ATXN2: variants seen among roughly 807,000 people sequenced by gnomAD.
ATXN2 encodes ataxin 2, also known as ataxin-2.
Under a neutral mutation model 138.6 loss-of-function variants are expected in ATXN2, and 37 were observed. The ratio of observed to expected loss-of-function variants is 0.27; its 90% CI spans 0.21 to 0.35. The LOEUF (loss-of-function observed/expected upper bound fraction) is 0.35. Ranked by LOEUF, ATXN2 falls within the 10% of genes least tolerant of loss-of-function variation. The probability of loss-of-function intolerance (pLI) is 1.00; values close to 1 mark genes in which losing one functional copy is unlikely to be tolerated. For missense variants in ATXN2, 1,216 were observed against 1,480.3 expected, an observed-to-expected ratio of 0.82 and a Z score of 2.93; for synonymous variants, 549 against 543.7, an observed-to-expected ratio of 1.01 and a Z score of -0.13.
At chr12:111,527,006 T>C (rs1248725532) in intron 5 of ATXN2, among the ~76,000 whole-genome samples, 1 of 152,262 alleles carries the variant, frequency 6.6e-6, no homozygotes, top group East Asian at 1.9e-4. Context: ...TCTCACTTTG[T>C]GTCCTCTTCT....
chr12:111,573,481 C>A (rs573219124), intron 1 of ATXN2, among the ~76,000 whole-genome samples: 1 of 152,290 alleles, frequency 6.6e-6, no homozygotes, highest in East Asian at 1.9e-4. Context: ...CAGGCATAAG[C>A]GACTGCTCCC....
At position 111,590,040 on chromosome 12, in the gene ATXN2, T is replaced by C. The variant is rs184297887; in HGVS notation, c.251+8744A>G. ...GCCTGGCCAACATGGTGAAACCCCATCTCTACTAAAAAAAAATACAAAAAT... is the reference window on the plus strand; with the variant it reads ...GCCTGGCCAACATGGTGAAACCCCACCTCTACTAAAAAAAAATACAAAAAT... On this transcript the variant is annotated intron_variant, in intron 1 of 24. Transcript: ENST00000673436. 4.1e-5 allele frequency among the ~76,000 whole-genome samples: 6 copies of C among 147,060 alleles called. No individual in the cohort carries two copies. The Admixed American group carries it at 4.1e-4, about 10-fold the overall frequency.
intron 18 of ATXN2, among the ~76,000 whole-genome samples, chr12:111,474,345 C>T (rs1876640221): frequency 6.6e-6 from 1 of 151,740 alleles, no homozygotes; most frequent in African/African-American, 2.4e-5. Flanking sequence ...AACTTAAGCC[C>T]TGGAATTTAG....
chr12:111,572,028 G>GAAAAA, intron 1 of ATXN2, among the ~76,000 whole-genome samples: 3 of 124,426 alleles, frequency 2.4e-5, no homozygotes, highest in African/African-American at 9.3e-5. Flanking sequence ...AAAAAAAAAG[G>GAAAAA]GGCTTTTAAA....
At chr12:111,596,245 C>CACAA (rs3223414) in intron 1 of ATXN2, among the ~76,000 whole-genome samples, 1 of 124,434 alleles carries the variant, frequency 8.0e-6, no homozygotes, top group East Asian at 2.0e-4. Flanking sequence ...CACACACACA[C>CACAA]AAAATTAGAT....
At chr12:111,481,172 C>T (rs954645807) in intron 18 of ATXN2, among the ~76,000 whole-genome samples, 6 of 151,794 alleles carry the variant, frequency 4.0e-5, no homozygotes, top group Admixed American at 1.3e-4. Flanking sequence ...GGGCCGAGCG[C>T]GGTGGTGCAC....
At chr12:111,543,217 A>C (rs1301580028) in intron 5 of ATXN2, among the ~76,000 whole-genome samples, 1 of 152,206 alleles carries the variant, frequency 6.6e-6, no homozygotes, top group African/African-American at 2.4e-5. Context: ...AGCAAAGTTG[A>C]GGCCGTAAAC....
In ATXN2 at chr12:111,591,942, T is replaced by C. The variant is rs367802795; in HGVS notation, c.251+6842A>G. On this transcript the variant is annotated intron_variant, in intron 1 of 24. Coordinates refer to ENST00000673436, the MANE Select transcript of ATXN2 (RefSeq NM_001372574.1). ...GCTAAAAATACAAAAATTAGCTGAG[T>C]GGGGTAGCAGGCACCTGTAATCTCA... Among the ~76,000 whole-genome samples, 35 of 150,372 alleles carry C rather than the reference T, an allele frequency of 2.3e-4. 1 individual carries two copies. In the East Asian group the frequency reaches 6.1e-3, roughly 26 times the overall value.
At chr12:111,545,084 G>A (rs1054061593) in intron 5 of ATXN2, among the ~76,000 whole-genome samples, 3 of 152,010 alleles carry the variant, frequency 2.0e-5, no homozygotes, top group African/African-American at 7.2e-5. Context: ...GCGTGAACCC[G>A]GGAGGCGGAG....
rs1032987033 is a variant in ATXN2, at chr12:111,466,595, T to A, written c.2843-1880A>T. Among the ~76,000 whole-genome samples, 4 of 152,240 alleles carry A rather than the reference T, an allele frequency of 2.6e-5. No homozygotes were observed. In the East Asian group the frequency reaches 5.8e-4, roughly 22 times the overall value. On this transcript the variant is annotated intron_variant, in intron 20 of 24. Coordinates refer to ENST00000673436, the MANE Select transcript of ATXN2 (RefSeq NM_001372574.1). ...AGGTCAATACTTTTTTAGAATAAAA[T>A]AATTATCCTATTTTATCATTTAACT...
chr12:111,575,146 T>TGAAACAAA lies in ATXN2; in HGVS notation c.252-19228_252-19227insTTTGTTTC, dbSNP rs1339478887. On this transcript the variant is annotated intron_variant, in intron 1 of 24. Transcript: ENST00000673436. ...AGGTCAGAAAGCTTCTCAAACATAC[T>TGAAACAAA]TATTTCTGGGCATAGCCAGTGGCTG... 2.8e-4 allele frequency among the ~76,000 whole-genome samples: 43 copies of TGAAACAAA among 152,136 alleles called. No homozygotes were observed. The Middle Eastern group carries it at 0.021, about 75-fold the overall frequency.
intron 1 of ATXN2, among the ~76,000 whole-genome samples, chr12:111,578,395 G>T (rs530995749): frequency 6.6e-5 from 10 of 152,026 alleles, no homozygotes; most frequent in African/African-American, 2.4e-4. Flanking sequence ...TATCTTTTAC[G>T]CTGTATTTTT....
chr12:111,598,714 AC>A lies in ATXN2; in HGVS notation c.251+69del. ...TAGCCCGGCGGGTCACGGGGCGGGG[AC>A]GGCGGCGCGGGCCGCGGGGGAGGGG... On this transcript the variant is annotated intron_variant, in intron 1 of 24. Transcript: ENST00000673436. The surrounding 1 kb of genome is among the most constrained non-coding windows in gnomAD (Gnocchi z 4.5). 1.2e-6 allele frequency: 1 copy of A among 841,968 alleles called. No homozygotes were observed. Among genetic ancestry groups the A allele is most frequent in the Non-Finnish European group, 1.5e-6 (1 of 679,426 alleles). 52.2% of individuals were successfully genotyped at this position (841,968 alleles called of 1,614,324 possible).
Position 111,598,589 on chromosome 12 carries a change from T to A in ATXN2, c.251+195A>T. 1.0e-6 allele frequency: 1 copy of A among 982,404 alleles called. No individual in the cohort carries two copies. The highest frequency in any genetic ancestry group is 1.2e-6 in the Non-Finnish European group (1 of 827,326). The allele number at this position is 982,404 out of a possible 1,614,324, so 60.9% of individuals were successfully genotyped here. A position where few individuals can be genotyped will look rare whatever the true frequency, so the allele number is the denominator to read the frequency against. Reference sequence around the variant, plus strand: ...GATGCTGCGGGAGGCTGGACAGGCCTGACAATCCCAGAGGACCCCGGCTGC... The same window carrying A: ...GATGCTGCGGGAGGCTGGACAGGCCAGACAATCCCAGAGGACCCCGGCTGC... On this transcript the variant is annotated intron_variant, in intron 1 of 24. Transcript: ENST00000673436. This position sits in a 1 kb window ranked among gnomAD's most constrained non-coding sequence, Gnocchi z 4.5.
At chr12:111,468,868 T>G (rs1876221289) in intron 20 of ATXN2, 1 of 151,952 alleles carries the variant, frequency 6.6e-6, no homozygotes, top group Non-Finnish European at 1.5e-5. Flanking sequence ...ACCCGGCCAA[T>G]TTTTTGGATT....
intron 5 of ATXN2, among the ~76,000 whole-genome samples, chr12:111,544,337 C>T (rs1244467767): frequency 1.3e-5 from 2 of 152,130 alleles, no homozygotes; most frequent in African/African-American, 2.4e-5. Context: ...TCATTCTTTC[C>T]ATAAAATAAT....
chr12:111,525,227 C>G lies in ATXN2; in HGVS notation c.661G>C (p.Ala221Pro). The change falls in exon 6 of 25, where the codon GCC (alanine) becomes CCC (proline). Residue 221 changes from alanine (A) to proline (P), a missense_variant. Coordinates refer to ENST00000673436, the MANE Select transcript of ATXN2 (RefSeq NM_001372574.1). ...LEPWDAGELT[A>P]NEELEALEND... is the part of the protein sequence containing the mutation. ...TCCAAAGCCTCAAGTTCCTCATTGG[C>G]TGTGAGTTCACCTGCATCCCAGGGC... 6.2e-7 allele frequency: 1 copy of G among 1,613,618 alleles called. No individual in the cohort carries two copies.
intron 23 of ATXN2, chr12:111,455,257 G>C: frequency 1.6e-6 from 1 of 643,520 alleles, no homozygotes; most frequent in Non-Finnish European, 2.9e-6. Context: ...CAAGGCCAGC[G>C]TTAGAGCCCA....
intron 1 of ATXN2, among the ~76,000 whole-genome samples, chr12:111,567,453 T>A (rs1883074002): frequency 6.6e-6 from 1 of 151,706 alleles, no homozygotes; most frequent in South Asian, 2.1e-4. Context: ...TAAGCTGAGA[T>A]TGAGCCACTG....
Sources: gnomAD v4.1 joint callset for allele counts (sites outside exome capture counted in the v4.1 genomes callset) on GRCh38, gnomAD v4.1.1 for gene constraint, Gnocchi (gnomAD v3.1) non-coding constraint, MANE v1.5 for transcripts, NCBI Gene and HGNC (gene_info 2026-07-23, HGNC 2026-07-21) for gene names.